RNF180: variants seen among roughly 807,000 people sequenced by gnomAD.
The protein encoded by RNF180 is ring finger protein 180.
Under a neutral mutation model 59.2 loss-of-function variants are expected in RNF180, and 38 were observed. That is an observed-to-expected ratio of 0.64 (90% CI 0.50 to 0.84). RNF180 has a LOEUF of 0.84. Among genes scored for constraint, RNF180 ranks in the 40% least tolerant of loss-of-function variants. The pLI, the probability that RNF180 is intolerant of heterozygous loss-of-function variation, is 0.00. For synonymous variants in RNF180, 262 were observed against 240.3 expected, an observed-to-expected ratio of 1.09 and a Z score of -0.84; for missense variants, 705 against 700.9, an observed-to-expected ratio of 1.01 and a Z score of -0.07.
intron 5 of RNF180, among the ~76,000 whole-genome samples, chr5:64,237,311 A>T (rs1271667187): frequency 1.3e-5 from 2 of 151,866 alleles, no homozygotes; most frequent in African/African-American, 4.8e-5. Context: ...TTTAAGATTT[A>T]TTGACTGCCC....
chr5:64,330,775 A>G (rs767467103), intron 7 of RNF180, among the ~76,000 whole-genome samples: 3 of 152,220 alleles, frequency 2.0e-5, no homozygotes, highest in Non-Finnish European at 4.4e-5. Context: ...TCGGGGAGGC[A>G]CAAGCCAGGG....
chr5:64,347,732 A>G (rs1745610594), intron 7 of RNF180, among the ~76,000 whole-genome samples: 1 of 152,164 alleles, frequency 6.6e-6, no homozygotes, highest in Non-Finnish European at 1.5e-5. Flanking sequence ...TGCAGTTAAA[A>G]CCTTGCAAAC....
At chr5:64,234,355 A>G (rs1318190799) in intron 5 of RNF180, among the ~76,000 whole-genome samples, 1 of 151,800 alleles carries the variant, frequency 6.6e-6, no homozygotes, top group East Asian at 2.0e-4. Context: ...AGTCCCAGCT[A>G]CTCAGGACGT....
At chr5:64,286,953 T>G (rs1052228026) in intron 5 of RNF180, among the ~76,000 whole-genome samples, 1 of 152,174 alleles carries the variant, frequency 6.6e-6, no homozygotes, top group African/African-American at 2.4e-5. Context: ...AATGCTAATC[T>G]TAAAAAAGTC....
At chr5:64,329,702 C>A (rs1744810858) in intron 6 of RNF180, among the ~76,000 whole-genome samples, 1 of 152,150 alleles carries the variant, frequency 6.6e-6, no homozygotes, top group African/African-American at 2.4e-5. Flanking sequence ...AAGTGATCCA[C>A]CTGCCTCAAC....
chr5:64,348,952 G>C (rs1014502640), intron 7 of RNF180, among the ~76,000 whole-genome samples: 1 of 151,964 alleles, frequency 6.6e-6, no homozygotes, highest in African/African-American at 2.4e-5. Context: ...TAACAAGCGA[G>C]GTTCATCCAA....
At chr5:64,237,662 G>A (rs951521177) in intron 5 of RNF180, among the ~76,000 whole-genome samples, 4 of 152,116 alleles carry the variant, frequency 2.6e-5, no homozygotes, top group African/African-American at 7.2e-5. Flanking sequence ...TGTCCCCACC[G>A]AAATCTCATC....
intron 5 of RNF180, among the ~76,000 whole-genome samples, chr5:64,272,786 A>AG (rs1396529460): frequency 6.6e-6 from 1 of 152,020 alleles, no homozygotes; most frequent in Non-Finnish European, 1.5e-5. Flanking sequence ...GATAATACCT[A>AG]GGGTACTAGC....
At chr5:64,183,467 T>TG (rs1750716475) in intron 1 of RNF180, among the ~76,000 whole-genome samples, 3 of 145,224 alleles carry the variant, frequency 2.1e-5, no homozygotes, top group South Asian at 2.3e-4. Context: ...TTTTTTTTTT[T>TG]GACTCAGTCT....
chr5:64,339,099 T>C (rs571072177), intron 7 of RNF180, among the ~76,000 whole-genome samples: 1 of 152,134 alleles, frequency 6.6e-6, no homozygotes, highest in Non-Finnish European at 1.5e-5. Context: ...GTATATCTAG[T>C]TATGCTCTTT....
At chr5:64,175,618 T>C (rs2111903714) in intron 1 of RNF180, among the ~76,000 whole-genome samples, 1 of 152,342 alleles carries the variant, frequency 6.6e-6, no homozygotes, top group East Asian at 1.9e-4. Flanking sequence ...TGGTTCTGTA[T>C]GAATTTTAGG....
In RNF180 at chr5:64,217,388, G is replaced by T; in HGVS notation, c.1219G>T (p.Asp407Tyr). The T allele has an allele frequency of 2.1e-6, 3 of 1,417,900 alleles. No homozygotes were observed. Among genetic ancestry groups the T allele is most frequent in the Non-Finnish European group, 1.9e-6 (2 of 1,080,568 alleles). The allele number at this position is 1,417,900 out of a possible 1,614,324, so 87.8% of individuals were successfully genotyped here. A position where few individuals can be genotyped will look rare whatever the true frequency, so the allele number is the denominator to read the frequency against. ...TAAATACTCAGGAGTGGGATTGCTGGATCATATGGTAAGTATATATTTACT... is the reference window on the plus strand; with the variant it reads ...TAAATACTCAGGAGTGGGATTGCTGTATCATATGGTAAGTATATATTTACT... ...QGKYSGVGLL[D>Y]HMTLNNEMST... Residue 407 changes from aspartate (D) to tyrosine (Y), a missense_variant, in exon 5 of 8, where the codon GAT (aspartate) becomes TAT (tyrosine). Asp to Tyr is a radical substitution (Grantham distance 160). Coordinates refer to ENST00000389100, the MANE Select transcript of RNF180 (RefSeq NM_001113561.2).
intron 7 of RNF180, among the ~76,000 whole-genome samples, chr5:64,359,461 C>T (rs1252166741): frequency 3.8e-4 from 58 of 151,980 alleles, no homozygotes; most frequent in East Asian, 7.8e-4. Context: ...TCATGTCCTT[C>T]GCCCACTTTT....
At chr5:64,243,926 T>C (rs1004590050) in intron 5 of RNF180, among the ~76,000 whole-genome samples, 7 of 152,276 alleles carry the variant, frequency 4.6e-5, no homozygotes, top group African/African-American at 1.7e-4. Context: ...CTGCAGTCTT[T>C]GCCAGTGATA....
At chr5:64,203,668 TAC>T (rs550825548) in intron 2 of RNF180, among the ~76,000 whole-genome samples, 1 of 151,994 alleles carries the variant, frequency 6.6e-6, no homozygotes, top group African/African-American at 2.4e-5. Context: ...ATATATAAAA[TAC>T]ACACAAATTA....
rs905646311 is a variant in RNF180 at position 64,179,609 on chromosome 5, A to G, written c.-1+13656A>G. Among the ~76,000 whole-genome samples the G allele has an allele frequency of 7.2e-5, 11 of 152,196 alleles. 1 individual carries two copies. The highest frequency in any genetic ancestry group is 5.9e-4 in the Admixed American group (9 of 15,274). On this transcript the variant is annotated intron_variant, in intron 1 of 7. Transcript: ENST00000389100. ...TACAGCTTTATTACTTTTCATTGCT[A>G]TATAGTATTCCATTGTATGAATGAA...
At chr5:64,338,736 C>G (rs538393083) in intron 7 of RNF180, among the ~76,000 whole-genome samples, 9 of 151,596 alleles carry the variant, frequency 5.9e-5, no homozygotes, top group African/African-American at 2.2e-4. Flanking sequence ...AGAATGTTCT[C>G]TCATCTGTTC....
rs1751599631 is a variant in RNF180, at chr5:64,199,090, T to C, written c.1-1718T>C. 2.0e-5 allele frequency among the ~76,000 whole-genome samples: 3 copies of C among 152,190 alleles called. No homozygotes were observed. The South Asian group carries it at 6.2e-4, about 31-fold the overall frequency. On this transcript the variant is annotated intron_variant, in intron 1 of 7. Coordinates refer to ENST00000389100, the MANE Select transcript of RNF180 (RefSeq NM_001113561.2). ...GCCTTGGCCTCCCAGAGTGCTGGGA[T>C]TACGGGCGTGAGCCACCACGCCCGG... is the stretch of plus-strand genomic sequence containing the variant.
chr5:64,238,177 T>A (rs1742566309), intron 5 of RNF180, among the ~76,000 whole-genome samples: 1 of 152,172 alleles, frequency 6.6e-6, no homozygotes, highest in Non-Finnish European at 1.5e-5. Context: ...CATTTCCTTC[T>A]TTTTTTAAGG....
Sources: gnomAD v4.1 joint callset for allele counts (sites outside exome capture counted in the v4.1 genomes callset) on GRCh38, gnomAD v4.1.1 for gene constraint, MANE v1.5 for transcripts, NCBI Gene and HGNC (gene_info 2026-07-23, HGNC 2026-07-21) for gene names.